The following CACNA2D3 variants were observed in gnomAD, a reference collection of about 807,000 sequenced individuals.
The protein encoded by CACNA2D3 is calcium voltage-gated channel auxiliary subunit alpha2delta 3.
In CACNA2D3, 60 loss-of-function variants were observed where a neutral mutation model predicts 160.6. The observed-to-expected ratio is 0.37, with a 90% CI of 0.30 to 0.46. The LOEUF is 0.46. Ranked by LOEUF, CACNA2D3 falls within the 20% of genes least tolerant of loss-of-function variation. The pLI is 1.00. For synonymous variants in CACNA2D3, 558 were observed against 492.9 expected (o/e 1.13, Z -1.75); for missense variants, 1,205 against 1,365.0 (o/e 0.88, Z 1.85).
chr3:54,495,565 A>G (rs996130347), intron 4 of CACNA2D3, among the ~76,000 whole-genome samples: 1 of 152,128 alleles, frequency 6.6e-6, no homozygotes, highest in South Asian at 2.1e-4. Flanking sequence ...CCTAGCCAAT[A>G]TGGTGAAACC....
intron 2 of CACNA2D3, among the ~76,000 whole-genome samples, chr3:54,286,175 CT>C (rs1186365652): frequency 4.6e-5 from 7 of 151,982 alleles, no homozygotes; most frequent in Admixed American, 4.6e-4. Context: ...AAGTTAAAAA[CT>C]TTGAAAAAAA....
intron 34 of CACNA2D3, among the ~76,000 whole-genome samples, chr3:55,012,026 A>G (rs2107148478): frequency 6.6e-6 from 1 of 152,336 alleles, no homozygotes; most frequent in South Asian, 2.1e-4. Flanking sequence ...ACCTGGGGAC[A>G]AATCCCCTCT....
At position 54,708,411 on chromosome 3, in the gene CACNA2D3, A is replaced by G. The variant is rs548069921; in HGVS notation, c.1168-44188A>G. Among the ~76,000 whole-genome samples the G allele has an allele frequency of 2.6e-5, 4 of 152,344 alleles. 1 individual carries two copies. The South Asian group carries it at 8.3e-4, about 32-fold the overall frequency. On this transcript the variant is annotated intron_variant, in intron 11 of 37. Coordinates refer to ENST00000474759, the MANE Select transcript of CACNA2D3 (RefSeq NM_018398.3). ...GCTGTGTGGCCCACTCTGTAGAGCT[A>G]CCAAAGACAAAGTGACAGAAAAATA... is the stretch of plus-strand genomic sequence containing the variant.
chr3:54,945,501 T>A (rs1384509572), intron 27 of CACNA2D3, among the ~76,000 whole-genome samples: 4 of 152,190 alleles, frequency 2.6e-5, no homozygotes. Context: ...GTCTTTTAGG[T>A]GCCTATCCAT....
At chr3:54,718,164 A>C (rs1453256053) in intron 11 of CACNA2D3, among the ~76,000 whole-genome samples, 1 of 152,152 alleles carries the variant, frequency 6.6e-6, no homozygotes, top group Non-Finnish European at 1.5e-5. Context: ...TTAGACTGAG[A>C]ATATCTTCTC....
intron 18 of CACNA2D3, chr3:54,874,485 A>G (rs975202435): frequency 2.6e-5 from 4 of 152,148 alleles, no homozygotes; most frequent in Non-Finnish European, 5.9e-5. Flanking sequence ...TTTTGTTCCT[A>G]TTAACTTCCA....
chr3:54,192,574 C>T (rs1169273835), intron 2 of CACNA2D3, among the ~76,000 whole-genome samples: 2 of 152,108 alleles, frequency 1.3e-5, no homozygotes, highest in Non-Finnish European at 2.9e-5. Context: ...GGGCAGATGA[C>T]TCTTCTCTGA....
intron 4 of CACNA2D3, among the ~76,000 whole-genome samples, chr3:54,502,834 C>A (rs1701315038): frequency 6.6e-6 from 1 of 152,174 alleles, no homozygotes; most frequent in Admixed American, 6.5e-5. Flanking sequence ...TGATTTCTGA[C>A]ACAAAGTAAG....
intron 11 of CACNA2D3, among the ~76,000 whole-genome samples, chr3:54,716,486 A>G (rs190516586): frequency 7.2e-5 from 11 of 152,288 alleles, no homozygotes; most frequent in Admixed American, 7.2e-4. Flanking sequence ...GTTACTGTCA[A>G]TTACGTATTC....
At chr3:54,874,200 A>G (rs545294192) in intron 18 of CACNA2D3, among the ~76,000 whole-genome samples, 70 of 152,346 alleles carry the variant, frequency 4.6e-4, no homozygotes, top group African/African-American at 1.5e-3. Flanking sequence ...AAATTAAAAG[A>G]AAAAAAGACA....
intron 17 of CACNA2D3, among the ~76,000 whole-genome samples, chr3:54,865,824 G>A (rs967006881): frequency 1.3e-5 from 2 of 152,200 alleles, no homozygotes; most frequent in Non-Finnish European, 2.9e-5. Flanking sequence ...GACACAGGAT[G>A]TGCTGGGCTC....
chr3:54,841,975 T>C (rs1457437766), intron 16 of CACNA2D3, among the ~76,000 whole-genome samples: 1 of 152,226 alleles, frequency 6.6e-6, no homozygotes, highest in Non-Finnish European at 1.5e-5. Flanking sequence ...CATGGCACTG[T>C]ACATTAGAAT....
intron 11 of CACNA2D3, among the ~76,000 whole-genome samples, chr3:54,685,755 A>G (rs762231653): frequency 6.6e-6 from 1 of 152,192 alleles, no homozygotes; most frequent in Non-Finnish European, 1.5e-5. Context: ...CTTCTTGTTC[A>G]TAGAGACCAC....
At position 54,734,122 on chromosome 3, in the gene CACNA2D3, C is replaced by T. The variant is rs575965942; in HGVS notation, c.1168-18477C>T. ...GGATTTGTGTCTGGCGAAACTGCTCCCTGGAAGGAAATCGTTGTCCAAGAG... is the reference window on the plus strand; with the variant it reads ...GGATTTGTGTCTGGCGAAACTGCTCTCTGGAAGGAAATCGTTGTCCAAGAG... On this transcript the variant is annotated intron_variant, in intron 11 of 37. Transcript: ENST00000474759. Among the ~76,000 whole-genome samples the T allele has an allele frequency of 2.0e-5, 3 of 152,020 alleles. No homozygotes were observed. The East Asian group carries it at 5.8e-4, about 29-fold the overall frequency.
intron 3 of CACNA2D3, among the ~76,000 whole-genome samples, chr3:54,368,531 CACAG>C (rs1698865144): frequency 6.6e-6 from 1 of 151,348 alleles, no homozygotes; most frequent in Non-Finnish European, 1.5e-5. Flanking sequence ...AGTGAGTGAG[CACAG>C]AACAGAGACA....
At chr3:54,884,390 G>A (rs139723984) in intron 21 of CACNA2D3, among the ~76,000 whole-genome samples, 1 of 152,290 alleles carries the variant, frequency 6.6e-6, no homozygotes, top group East Asian at 1.9e-4. Flanking sequence ...GTAAAATCAA[G>A]CAGAATTGTG....
chr3:54,739,065 G>A (rs1701587707), intron 11 of CACNA2D3, among the ~76,000 whole-genome samples: 1 of 151,860 alleles, frequency 6.6e-6, no homozygotes, highest in Admixed American at 6.6e-5. Flanking sequence ...GGATTGCTTT[G>A]GGCTGCAGTG....
intron 2 of CACNA2D3, among the ~76,000 whole-genome samples, chr3:54,237,089 A>C (rs2107401937): frequency 6.6e-6 from 1 of 151,666 alleles, no homozygotes; most frequent in African/African-American, 2.4e-5. Context: ...AGATGATGCC[A>C]GTGGCTACCT....
chr3:54,293,877 T>C (rs1187442018), intron 2 of CACNA2D3, among the ~76,000 whole-genome samples: 1 of 152,140 alleles, frequency 6.6e-6, no homozygotes, highest in South Asian at 2.1e-4. Flanking sequence ...GTGGTGGTGG[T>C]TACACAACTC....
Sources: allele counts gnomAD v4.1 joint callset (sites outside exome capture counted in the v4.1 genomes callset), GRCh38; gene constraint gnomAD v4.1.1; transcripts MANE v1.5; gene names NCBI Gene and HGNC (gene_info 2026-07-23, HGNC 2026-07-21).